GAB4: variants seen among roughly 807,000 people sequenced by gnomAD.
GAB4 encodes the protein GRB2-associated-binding protein 4.
GAB4 carries 26 observed loss-of-function variants against 51.3 expected under a neutral mutation model. The observed-to-expected ratio is 0.51, with a 90% CI of 0.37 to 0.70. The LOEUF is 0.70. GAB4 is among the 30% of genes least tolerant of loss of function. The pLI is 0.00. For missense variants in GAB4, 759 were observed against 734.6 expected, an observed-to-expected ratio of 1.03 and a Z score of -0.38; for synonymous variants, 329 against 291.2, an observed-to-expected ratio of 1.13 and a Z score of -1.32.
chr22:16,969,824 G>A (rs2060714156), intron 4 of GAB4, 119 bp downstream of exon 4: 1 of 1,247,158 alleles, frequency 8.0e-7, no homozygotes, highest in Non-Finnish European at 1.2e-6. Context: ...TGTCTAACGT[G>A]ACTGTCCTAG....
chr22:16,988,009 C>T lies in GAB4; in HGVS notation c.637G>A (p.Gly213Arg), dbSNP rs1301906334. The change falls in exon 3 of 10, where the codon GGG becomes AGG. Residue 213 changes from glycine to arginine, a missense_variant. By Grantham distance (125) the Gly-to-Arg change is moderately radical (BLOSUM62 -2). Coordinates refer to ENST00000400588, the MANE Select transcript of GAB4 (RefSeq NM_001037814.1). ...GCGTGCTGGTGCGAGCGGAGACACCCCGGAGGTGCAGGGATGGGCCAGGTG... is the reference window on the plus strand; with the variant it reads ...GCGTGCTGGTGCGAGCGGAGACACCTCGGAGGTGCAGGGATGGGCCAGGTG... ...PPTWPIPAPP[G>R]CLRSHQHASQ... 6.2e-7 allele frequency: 1 copy of T among 1,609,894 alleles called. No homozygotes were observed. Among genetic ancestry groups the T allele is most frequent in the African/African-American group, 1.3e-5 (1 of 74,748 alleles).
chr22:17,001,753 C>T (rs1235241881), intron 1 of GAB4, among the ~76,000 whole-genome samples: 3 of 152,056 alleles, frequency 2.0e-5, no homozygotes, highest in Admixed American at 6.5e-5. Flanking sequence ...TTTTCCCTGC[C>T]CCTAGAGGTG....
chr22:16,967,801 G>A (rs2060692745), intron 5 of GAB4, among the ~76,000 whole-genome samples: 1 of 152,156 alleles, frequency 6.6e-6, no homozygotes, highest in Non-Finnish European at 1.5e-5. Context: ...CCCTTTCCAG[G>A]TGGCAGCCTG....
chr22:17,005,514 A>G (rs1233815613), intron 1 of GAB4, among the ~76,000 whole-genome samples: 1 of 152,194 alleles, frequency 6.6e-6, no homozygotes, highest in Non-Finnish European at 1.5e-5. Context: ...TAAATTTCAC[A>G]TGTAACCAAA....
chr22:17,000,498 T>C (rs2060988917), intron 1 of GAB4, among the ~76,000 whole-genome samples: 1 of 152,210 alleles, frequency 6.6e-6, no homozygotes, highest in Non-Finnish European at 1.5e-5. Flanking sequence ...TTCGTAGATC[T>C]TCCTCCATCC....
At position 16,997,114 on chromosome 22, in the gene GAB4, G is replaced by C. The variant is rs144793868; in HGVS notation, c.175-4938C>G. Among the ~76,000 whole-genome samples the C allele has an allele frequency of 3.6e-3, 552 of 152,262 alleles. 1 individual carries two copies. Among genetic ancestry groups the C allele is most frequent in the Admixed American group, 6.9e-3 (105 of 15,286 alleles). The stretch of plus-strand genomic sequence containing the variant: ...TGCCGCAATAAACATACGTGTGCAT[G>C]TGTCTTTATAGTACAATGATTTATA... On this transcript the variant is annotated intron_variant, in intron 1 of 9. Coordinates refer to ENST00000400588, the MANE Select transcript of GAB4 (RefSeq NM_001037814.1).
chr22:16,962,696 C>T lies in GAB4; in HGVS notation c.*37G>A. On this transcript the variant is annotated 3_prime_UTR_variant, in exon 10 of 10. Coordinates refer to ENST00000400588, the MANE Select transcript of GAB4 (RefSeq NM_001037814.1). ...AGAGTGTGGCGGAGCAGCTCTGAGGCACTGTCCTGGCCCCACTCTGGTTTT... is the reference window on the plus strand; with the variant it reads ...AGAGTGTGGCGGAGCAGCTCTGAGGTACTGTCCTGGCCCCACTCTGGTTTT... 1 of 1,586,724 alleles carries T rather than the reference C, an allele frequency of 6.3e-7. No individual in the cohort carries two copies. The highest frequency in any genetic ancestry group is 8.6e-7 in the Non-Finnish European group (1 of 1,167,392).
chr22:16,997,668 G>T (rs185260265), intron 1 of GAB4, among the ~76,000 whole-genome samples: 1 of 152,248 alleles, frequency 6.6e-6, no homozygotes, highest in East Asian at 1.9e-4. Flanking sequence ...GGCTATTTTG[G>T]CTTTTGTTGT....
chr22:16,994,198 T>C (rs1240285962), intron 1 of GAB4, among the ~76,000 whole-genome samples: 1 of 152,166 alleles, frequency 6.6e-6, no homozygotes, highest in Non-Finnish European at 1.5e-5. Context: ...TTTTGTGAAA[T>C]CACTCTAATC....
intron 1 of GAB4, among the ~76,000 whole-genome samples, chr22:16,996,644 G>A (rs73147674): frequency 0.022 from 3,361 of 152,046 alleles, 57 homozygotes; most frequent in Middle Eastern, 0.068. Context: ...AAGAGAGTGA[G>A]GGCCAATATT....
intron 3 of GAB4, among the ~76,000 whole-genome samples, chr22:16,975,721 C>A (rs1238357457): frequency 2.6e-5 from 4 of 152,238 alleles, no homozygotes; most frequent in African/African-American, 9.6e-5. Context: ...ACTGGAGAAA[C>A]CTCCCAGCAG....
chr22:16,981,446 T>C (rs531390556), intron 3 of GAB4, among the ~76,000 whole-genome samples: 1 of 152,040 alleles, frequency 6.6e-6, no homozygotes, highest in South Asian at 2.1e-4. Flanking sequence ...AAAGGAGACA[T>C]TACATCTGAT....
At chr22:16,963,542 G>T (rs546962634) in intron 9 of GAB4, among the ~76,000 whole-genome samples, 183 bp downstream of exon 9, 2 of 152,096 alleles carry the variant, frequency 1.3e-5, no homozygotes, top group Admixed American at 1.3e-4. Context: ...AAGGCACCAC[G>T]CTGAGAGGGA....
At chr22:16,994,717 T>C (rs1349676513) in intron 1 of GAB4, among the ~76,000 whole-genome samples, 1 of 152,252 alleles carries the variant, frequency 6.6e-6, no homozygotes, top group African/African-American at 2.4e-5. Context: ...TATCCAATCA[T>C]GTCTTTTGAG....
intron 5 of GAB4, chr22:16,966,659 T>C (rs1232803214): frequency 7.9e-6 from 3 of 378,212 alleles, no homozygotes; most frequent in African/African-American, 2.0e-5. Context: ...TTACAGGTCC[T>C]GGGAGGTTAG....
At chr22:16,987,826 T>C in intron 3 of GAB4, 134 bp downstream of exon 3, 1 of 646,374 alleles carries the variant, frequency 1.5e-6, no homozygotes, top group Non-Finnish European at 2.6e-6. Flanking sequence ...AATTAAATGT[T>C]GTTATATATG....
At chr22:16,966,054 C>A in intron 6 of GAB4, 46 bp downstream of exon 6, 1 of 1,580,416 alleles carries the variant, frequency 6.3e-7, no homozygotes, top group Non-Finnish European at 8.7e-7. Flanking sequence ...TAAGCGAATG[C>A]AGAGTCCCTG....
chr22:16,994,911 T>C (rs542980871), intron 1 of GAB4, among the ~76,000 whole-genome samples: 73 of 152,358 alleles, frequency 4.8e-4, no homozygotes, highest in African/African-American at 1.6e-3. Flanking sequence ...TGTTGTTAGC[T>C]GTAGGTTTTT....
At chr22:16,989,588 A>G (rs2060897080) in intron 2 of GAB4, among the ~76,000 whole-genome samples, 1 of 152,184 alleles carries the variant, frequency 6.6e-6, no homozygotes. Flanking sequence ...GATGTCTGCT[A>G]ACAGAATCAA....
Sources: gnomAD v4.1 joint callset for allele counts (sites outside exome capture counted in the v4.1 genomes callset) on GRCh38, gnomAD v4.1.1 for gene constraint, MANE v1.5 for transcripts, NCBI Gene and HGNC (gene_info 2026-07-23, HGNC 2026-07-21) for gene names.